SEMA3A: variants seen among roughly 807,000 people sequenced by gnomAD.
SEMA3A encodes the protein semaphorin 3A.
SEMA3A carries 29 observed loss-of-function variants against 97.9 expected under a neutral mutation model. The observed-to-expected ratio is 0.30, with a 90% confidence interval of 0.22 to 0.40. SEMA3A has a LOEUF of 0.40. Ranked by LOEUF, SEMA3A falls within the 10% of genes least tolerant of loss-of-function variation. SEMA3A has a pLI of 1.00. For synonymous variants in SEMA3A, 321 were observed against 323.7 expected, an observed-to-expected ratio of 0.99 and a Z score of 0.09; for missense variants, 763 against 951.3, an observed-to-expected ratio of 0.80 and a Z score of 2.60.
At chr7:84,038,828 C>T (rs954991898) in intron 6 of SEMA3A, among the ~76,000 whole-genome samples, 1 of 152,092 alleles carries the variant, frequency 6.6e-6, no homozygotes, top group East Asian at 1.9e-4. Context: ...AAACACATTT[C>T]ATTACAATTT....
intron 1 of SEMA3A, among the ~76,000 whole-genome samples, chr7:84,487,335 C>T (rs1806600924): frequency 6.6e-6 from 1 of 151,978 alleles, no homozygotes; most frequent in Non-Finnish European, 1.5e-5. Flanking sequence ...GCTGGGACTT[C>T]AGGTTGTTTG....
chr7:84,260,476 C>T (rs1295342169), intron 3 of SEMA3A, among the ~76,000 whole-genome samples: 3 of 151,144 alleles, frequency 2.0e-5, no homozygotes, highest in African/African-American at 7.3e-5. Flanking sequence ...CTCCAGACCC[C>T]AGTATCCCTG....
At chr7:84,237,975 G>C (rs1428403849) in intron 3 of SEMA3A, among the ~76,000 whole-genome samples, 1 of 152,122 alleles carries the variant, frequency 6.6e-6, no homozygotes, top group Non-Finnish European at 1.5e-5. Context: ...CTCTATGGAG[G>C]AATAGCAAGG....
chr7:84,293,795 C>A (rs545773185), intron 3 of SEMA3A, among the ~76,000 whole-genome samples: 16 of 152,008 alleles, frequency 1.1e-4, no homozygotes, highest in Non-Finnish European at 2.1e-4. Flanking sequence ...TAAAAACAAT[C>A]CGTATATGAA....
chr7:83,987,701 TTCTC>T (rs1337498575), intron 12 of SEMA3A, among the ~76,000 whole-genome samples: 1 of 152,216 alleles, frequency 6.6e-6, no homozygotes. Context: ...ATGTTCCTCT[TTCTC>T]TCCTCTCTTC....
intron 1 of SEMA3A, among the ~76,000 whole-genome samples, chr7:84,448,458 A>G (rs568104673): frequency 6.6e-6 from 1 of 152,334 alleles, no homozygotes; most frequent in Admixed American, 6.5e-5. Context: ...AGCAGGATAC[A>G]AAGACAACAC....
chr7:84,072,945 A>T (rs1793797359), intron 4 of SEMA3A, among the ~76,000 whole-genome samples: 1 of 152,188 alleles, frequency 6.6e-6, no homozygotes. Flanking sequence ...TCACAAAGCT[A>T]ATAATGGAGG....
chr7:83,972,023 C>CTATATATGTG (rs78160206), intron 15 of SEMA3A, among the ~76,000 whole-genome samples: 123,189 of 150,742 alleles, frequency 0.82, 50,900 homozygotes, highest in African/African-American at 0.93. Context: ...ACGTGTGTGT[C>CTATATATGTG]TATATATGTG....
upstream of SEMA3A, among the ~76,000 whole-genome samples, chr7:84,196,774 T>C (rs1309506908): frequency 1.3e-5 from 2 of 152,158 alleles, no homozygotes; most frequent in African/African-American, 4.8e-5. Flanking sequence ...ATTGGACTAA[T>C]GAATTATCCT....
chr7:84,390,335 A>AATTATTATGATT (rs1554375913), intron 1 of SEMA3A, among the ~76,000 whole-genome samples: 2 of 143,668 alleles, frequency 1.4e-5, no homozygotes, highest in Non-Finnish European at 3.0e-5. Flanking sequence ...GATATTCAAG[A>AATTATTATGATT]ATTATTATTA....
chr7:84,242,477 T>G (rs959140907), intron 3 of SEMA3A, among the ~76,000 whole-genome samples: 14 of 152,206 alleles, frequency 9.2e-5, no homozygotes, highest in African/African-American at 3.1e-4. Context: ...TGATTTTGTA[T>G]CCTGAGACTT....
At chr7:84,280,145 C>T (rs1800404535) in intron 3 of SEMA3A, among the ~76,000 whole-genome samples, 1 of 152,136 alleles carries the variant, frequency 6.6e-6, no homozygotes, top group African/African-American at 2.4e-5. Context: ...CGATCCTCCA[C>T]CCTGGCCTTC....
chr7:84,221,938 T>C (rs1798893080), intron 3 of SEMA3A, among the ~76,000 whole-genome samples: 1 of 151,872 alleles, frequency 6.6e-6, no homozygotes, highest in Non-Finnish European at 1.5e-5. Flanking sequence ...ACCTTCAATT[T>C]GTAAAAAAAA....
chr7:84,062,755 G>A (rs931804538), intron 4 of SEMA3A, among the ~76,000 whole-genome samples: 1 of 152,210 alleles, frequency 6.6e-6, no homozygotes, highest in East Asian at 1.9e-4. Flanking sequence ...CCCGCACCTG[G>A]CTTGGAGGGT....
intron 1 of SEMA3A, among the ~76,000 whole-genome samples, chr7:84,457,185 A>G (rs1805706854): frequency 6.6e-6 from 1 of 151,826 alleles, no homozygotes; most frequent in South Asian, 2.1e-4. Flanking sequence ...GTGGATGAAT[A>G]GGAAAAATGG....
chr7:84,064,805 C>T (rs1793410432), intron 4 of SEMA3A, among the ~76,000 whole-genome samples: 1 of 150,940 alleles, frequency 6.6e-6, no homozygotes, highest in Non-Finnish European at 1.5e-5. Flanking sequence ...ACTTAGACTC[C>T]CACACATTAA....
intron 1 of SEMA3A, among the ~76,000 whole-genome samples, chr7:84,156,659 A>G (rs931532896): frequency 1.3e-5 from 2 of 152,116 alleles, no homozygotes; most frequent in Admixed American, 6.6e-5. Context: ...TACAGTGAAG[A>G]TACACATGTC....
chr7:83,965,090 CTTTTTTGTATTTTTTT>C (rs1030980322), intron 15 of SEMA3A, among the ~76,000 whole-genome samples: 1 of 132,404 alleles, frequency 7.6e-6, no homozygotes, highest in African/African-American at 3.4e-5. Context: ...GTGATTTAAA[CTTTTTTGTATTTTTTT>C]TTTTTTGTAT....
In SEMA3A at chr7:84,138,031, C is replaced by A. The variant is rs148559428; in HGVS notation, c.113-3080G>T. Among the ~76,000 whole-genome samples, 48 of 145,666 alleles carry A rather than the reference C, an allele frequency of 3.3e-4. No individual in the cohort carries two copies. The East Asian group carries it at 9.8e-3, about 30-fold the overall frequency. On this transcript the variant is annotated intron_variant, in intron 1 of 16. Transcript: ENST00000265362. ...ATGTATCTTTTAAGAGTTAATGTAT[C>A]TTTTAAGAGTTACTGAGGTGAAATT...
Sources: gnomAD v4.1 joint callset for allele counts (sites outside exome capture counted in the v4.1 genomes callset) on GRCh38, gnomAD v4.1.1 for gene constraint, MANE v1.5 for transcripts, NCBI Gene and HGNC (gene_info 2026-07-23, HGNC 2026-07-21) for gene names.